PBX1: variants seen among roughly 807,000 people sequenced by gnomAD.
PBX1 encodes the protein PBX homeobox 1.
A neutral mutation model predicts 53.4 loss-of-function variants in PBX1; 6 were observed. That is an observed-to-expected ratio of 0.11 (90% CI 0.06 to 0.22). The LOEUF is 0.22. PBX1 is among the 10% of genes least tolerant of loss of function. The pLI, the probability that PBX1 is intolerant of heterozygous loss-of-function variation, is 1.00. For missense variants in PBX1, 251 were observed against 551.4 expected (o/e 0.46, Z 5.46); for synonymous variants, 204 against 212.3 (o/e 0.96, Z 0.34).
rs1671582212 is a variant in PBX1 at position 164,846,673 on chromosome 1, C to A, written c.1290C>A (p.Asn430Lys). The change falls in exon 9 of 9, where the codon AAC becomes AAA. Residue 430 changes from asparagine to lysine, a missense_variant. Around this residue, in one of 4 missense-constraint regions of PBX1, gnomAD observed 92 missense variants for 130.4 expected, o/e 0.71. Transcript: ENST00000420696. ...GCAGTGTTCACTCTGATACCTCCAA[C>A]TGATCTCCCAGCAATCGCATCCCGG... ...GPGSVHSDTS[N>K] The A allele has an allele frequency of 6.2e-7, 1 of 1,614,018 alleles. No homozygotes were observed. Among genetic ancestry groups the A allele is most frequent in the African/African-American group, 1.3e-5 (1 of 74,936 alleles).
intron 2 of PBX1, among the ~76,000 whole-genome samples, chr1:164,635,598 C>T (rs1485473522): frequency 1.3e-5 from 2 of 152,226 alleles, no homozygotes; most frequent in Non-Finnish European, 1.5e-5. Context: ...CCGCTCGTCT[C>T]GCCACGCTTT....
chr1:164,757,157 C>T (rs1023815094), intron 2 of PBX1, among the ~76,000 whole-genome samples: 1 of 151,928 alleles, frequency 6.6e-6, no homozygotes, highest in East Asian at 1.9e-4. Flanking sequence ...TATCATTGCC[C>T]CCCATGGAAA....
intron 4 of PBX1, 78 bp from the exon 5 acceptor site, chr1:164,807,464 G>A: frequency 6.6e-7 from 1 of 1,521,784 alleles, no homozygotes; most frequent in Non-Finnish European, 8.9e-7. Context: ...TCTTCTCCCA[G>A]AAGTAGATTT....
chr1:164,669,975 A>G (rs1014929135), intron 2 of PBX1, among the ~76,000 whole-genome samples: 1 of 152,166 alleles, frequency 6.6e-6, no homozygotes, highest in African/African-American at 2.4e-5. Context: ...AGCCCTTTCC[A>G]CCCTTCCAAT....
At chr1:164,671,360 C>G (rs1661100340) in intron 2 of PBX1, among the ~76,000 whole-genome samples, 1 of 152,118 alleles carries the variant, frequency 6.6e-6, no homozygotes, top group Admixed American at 6.6e-5. Flanking sequence ...GTCTCTCTAA[C>G]AATTCTGATT....
intron 2 of PBX1, among the ~76,000 whole-genome samples, chr1:164,767,771 G>C (rs1251814151): frequency 6.6e-6 from 1 of 152,116 alleles, no homozygotes; most frequent in Non-Finnish European, 1.5e-5. Context: ...AGAGGTCCCA[G>C]TACCTTCCAC....
intron 2 of PBX1, among the ~76,000 whole-genome samples, chr1:164,726,550 C>T (rs758989808): frequency 2.6e-5 from 4 of 152,192 alleles, no homozygotes; most frequent in African/African-American, 7.2e-5. Context: ...GCTAAAGCCA[C>T]ATCAGGGAAT....
chr1:164,851,127 A>G lies in PBX1; in HGVS notation c.*4451A>G, dbSNP rs1671817823. Reference sequence around the variant, plus strand: ...AGAGGTTACGTTTACTTCACAGAGTACACCTCTTAGTAACCTCTGACTTAG... The same window carrying G: ...AGAGGTTACGTTTACTTCACAGAGTGCACCTCTTAGTAACCTCTGACTTAG... On this transcript the variant is annotated 3_prime_UTR_variant, in exon 9 of 9. Transcript: ENST00000420696. 1 of 220,798 alleles carries G rather than the reference A, an allele frequency of 4.5e-6. No individual in the cohort carries two copies. The highest frequency in any genetic ancestry group is 2.2e-5 in the African/African-American group (1 of 44,638). The allele number at this position is 220,798 out of a possible 1,614,324, so 13.7% of individuals were successfully genotyped here. A position where few individuals can be genotyped will look rare whatever the true frequency, so the allele number is the denominator to read the frequency against.
chr1:164,600,151 T>G (rs5005132), intron 2 of PBX1, among the ~76,000 whole-genome samples: 65,102 of 151,466 alleles, frequency 0.43, 14,259 homozygotes, highest in East Asian at 0.63. Flanking sequence ...AATGGGATAC[T>G]TGAGTCAGGA....
At chr1:164,781,000 G>A (rs1667908620) in intron 2 of PBX1, among the ~76,000 whole-genome samples, 1 of 152,190 alleles carries the variant, frequency 6.6e-6, no homozygotes, top group South Asian at 2.1e-4. Context: ...CATGCAGCCT[G>A]TTTGCCTGTG....
chr1:164,881,245 A>C (rs938733245), intron 2 of PBX1, among the ~76,000 whole-genome samples: 7 of 151,914 alleles, frequency 4.6e-5, no homozygotes, highest in African/African-American at 1.7e-4. Context: ...AAGCCAGTTG[A>C]TACTTGGAAG....
rs183038888 is a variant in PBX1, at chr1:164,584,241, C to T, written c.265+20930C>T. On this transcript the variant is annotated intron_variant, in intron 2 of 8. Coordinates refer to ENST00000420696, the MANE Select transcript of PBX1 (RefSeq NM_002585.4). ...AAGCCAAGTGCAGTACGGTGCATAC[C>T]TATAAATCCCAGCTACTAGGGAGGT... 3.9e-5 allele frequency among the ~76,000 whole-genome samples: 6 copies of T among 151,976 alleles called. No individual in the cohort carries two copies. In the East Asian group the frequency reaches 9.7e-4, roughly 25 times the overall value.
chr1:164,866,547 TCA>T (rs1237728120), intron 2 of PBX1, among the ~76,000 whole-genome samples: 1 of 152,210 alleles, frequency 6.6e-6, no homozygotes, highest in African/African-American at 2.4e-5. Context: ...TATGAGCTGT[TCA>T]CAGAGATATC....
intron 2 of PBX1, among the ~76,000 whole-genome samples, chr1:164,664,181 T>C (rs1686196): frequency 0.98 from 148,803 of 152,340 alleles, 72,790 homozygotes; most frequent in East Asian, 1. Flanking sequence ...TGAGAAAGTC[T>C]GCTTTTTCCT....
intron 2 of PBX1, among the ~76,000 whole-genome samples, chr1:164,672,592 C>G (rs1000309923): frequency 2.6e-5 from 4 of 152,130 alleles, no homozygotes; most frequent in African/African-American, 9.7e-5. Context: ...TTTTTTCCCC[C>G]TTTCTTCTTG....
chr1:164,707,426 A>T (rs1686178), intron 2 of PBX1, among the ~76,000 whole-genome samples: 20,798 of 88,796 alleles, frequency 0.23, 1,729 homozygotes, highest in South Asian at 0.38. Flanking sequence ...TGTGAGAGAG[A>T]GAGAGAGAGA....
Position 164,812,138 on chromosome 1 carries a change from C to T in PBX1, c.986C>T (p.Pro329Leu). ...HGSQANSPST[P>L]NSAGSSSSFN... ...AGCCAAGCTAACTCGCCCTCAACTCCCAACTCGGCTGGTTAGTTTTTTCTT... is the reference window on the plus strand; with the variant it reads ...AGCCAAGCTAACTCGCCCTCAACTCTCAACTCGGCTGGTTAGTTTTTTCTT... The change falls in exon 6 of 9, where the codon CCC (proline) becomes CTC (leucine). Residue 329 changes from proline (P) to leucine (L), a missense_variant. Pro to Leu is a moderately conservative substitution (Grantham distance 98). This residue lies in a region of PBX1 where 92 missense variants were observed against 130.4 expected (regional missense o/e 0.71). Coordinates refer to ENST00000420696, the MANE Select transcript of PBX1 (RefSeq NM_002585.4). The T allele has an allele frequency of 6.2e-7, 1 of 1,609,764 alleles. No homozygotes were observed. The highest frequency in any genetic ancestry group is 8.5e-7 in the Non-Finnish European group (1 of 1,177,746).
rs946987781 is a variant in PBX1, at chr1:164,599,514, C to A, written c.265+36203C>A. The stretch of plus-strand genomic sequence containing the variant: ...CCTTTCTGGGGAAGGGTTAATAGTT[C>A]AAACCCATTGTTTTTCTTTTGAGGG... On this transcript the variant is annotated intron_variant, in intron 2 of 8. Coordinates refer to ENST00000420696, the MANE Select transcript of PBX1 (RefSeq NM_002585.4). 2.6e-5 allele frequency among the ~76,000 whole-genome samples: 4 copies of A among 152,240 alleles called. No homozygotes were observed. The East Asian group carries it at 7.7e-4, about 29-fold the overall frequency.
At chr1:164,777,919 G>GT (rs1390585122) in intron 2 of PBX1, among the ~76,000 whole-genome samples, 1 of 152,142 alleles carries the variant, frequency 6.6e-6, no homozygotes, top group Non-Finnish European at 1.5e-5. Context: ...TAACCTTCTG[G>GT]TTTTTTGCAG....
Sources: allele counts gnomAD v4.1 joint callset (sites outside exome capture counted in the v4.1 genomes callset), GRCh38; gene constraint gnomAD v4.1.1; regional missense constraint gnomAD v4.1.1; transcripts MANE v1.5; gene names NCBI Gene and HGNC (gene_info 2026-07-23, HGNC 2026-07-21).